The following ZKSCAN7 variants were observed in gnomAD, a reference collection of about 807,000 sequenced individuals.
The protein encoded by ZKSCAN7 is zinc finger protein with KRAB and SCAN domains 7.
Under a neutral mutation model 65.3 loss-of-function variants are expected in ZKSCAN7, and 38 were observed. That is an observed-to-expected ratio of 0.58 (90% CI 0.45 to 0.76). The LOEUF is 0.76. Among genes scored for constraint, ZKSCAN7 ranks in the 30% least tolerant of loss-of-function variants. The pLI, the probability that ZKSCAN7 is intolerant of heterozygous loss-of-function variation, is 0.00. For synonymous variants in ZKSCAN7, 321 were observed against 321.0 expected (o/e 1.00, Z 0.00); for missense variants, 815 against 913.3 (o/e 0.89, Z 1.39).
At chr3:44,557,641 T>C in intron 2 of ZKSCAN7, 171 bp downstream of exon 2, 1 of 836,618 alleles carries the variant, frequency 1.2e-6, no homozygotes, top group Middle Eastern at 3.2e-4. Context: ...TAAACACAAG[T>C]GCACATCCCA....
downstream of ZKSCAN7, among the ~76,000 whole-genome samples, chr3:44,574,817 C>A (rs941478492): frequency 1.3e-5 from 2 of 152,074 alleles, no homozygotes; most frequent in African/African-American, 4.8e-5. Flanking sequence ...GTAATCCCAG[C>A]TACTTGGAAG....
chr3:44,571,339 A>G lies in ZKSCAN7; in HGVS notation c.2229A>G (p.Gly743=). ...TFNHHQRTHT[G]EKSSGLAWSV... The stretch of plus-strand genomic sequence containing the variant: ...ATCACCACCAGCGAACTCACACTGG[A>G]GAGAAGTCCTCAGGTCTGGCTTGGT... Residue 743 remains glycine (G), a synonymous_variant, in exon 6 of 6, where the codon GGA becomes GGG. Transcript: ENST00000426540. 5 of 1,614,216 alleles carry G rather than the reference A, an allele frequency of 3.1e-6. No individual in the cohort carries two copies. Among genetic ancestry groups the G allele is most frequent in the Non-Finnish European group, 4.2e-6 (5 of 1,180,046 alleles).
downstream of ZKSCAN7, among the ~76,000 whole-genome samples, chr3:44,572,849 C>CAAAAA (rs11339297): frequency 7.9e-3 from 573 of 72,376 alleles, 22 homozygotes; most frequent in African/African-American, 0.029. Flanking sequence ...GACTCTGTCT[C>CAAAAA]AAAAAAAAAA....
At position 44,580,152 on chromosome 3, in the gene ZKSCAN7, G is replaced by A. The variant is rs939984992; in HGVS notation, c.812-2820G>A. 63 of 1,610,588 alleles carry A rather than the reference G, an allele frequency of 3.9e-5. No individual in the cohort carries two copies. The Admixed American group carries it at 4.2e-4, about 11-fold the overall frequency. ...CACCTGGGACCTCCTGTGGTTGGGG[G>A]TGCTGGGGCTGGGAGGGGAGAGCGG... On this transcript the variant is annotated intron_variant, in intron 5 of 5. Transcript: ENST00000341840.
At position 44,570,280 on chromosome 3, in the gene ZKSCAN7, A is replaced by G. The variant is rs544962744; in HGVS notation, c.1170A>G (p.Lys390=). ...QKSYRCDECG[K]AFNRSSHLIG... ...CCTATCGATGTGATGAATGTGGCAA[A>G]GCTTTCAATCGGAGTTCTCACCTTA... Residue 390 remains lysine, a synonymous_variant, in exon 6 of 6, where the codon AAA becomes AAG. Transcript: ENST00000426540. The G allele has an allele frequency of 9.9e-5, 160 of 1,614,242 alleles. 2 individuals are homozygous for G. In the South Asian group the frequency reaches 1.7e-3, roughly 17 times the overall value.
chr3:44,583,208 G>A (rs140751247), exon 6 of ZKSCAN7: 3 of 246,026 alleles, frequency 1.2e-5, no homozygotes, highest in Non-Finnish European at 2.4e-5. Flanking sequence ...GATTACAGGC[G>A]TGAGCCACCA....
chr3:44,559,686 C>A (rs539397941), intron 2 of ZKSCAN7, among the ~76,000 whole-genome samples: 3 of 152,316 alleles, frequency 2.0e-5, no homozygotes, highest in East Asian at 3.9e-4. Context: ...CTCATCCTCC[C>A]AAAGTGCTGG....
In ZKSCAN7 at chr3:44,555,246, C is replaced by G. The variant is rs899973298; in HGVS notation, c.-354C>G. ...TAACGGGCAGTAGAGTGTCCGGCTT[C>G]GGTGCCGAGTGCCACCGCGAGTGGG... is the stretch of plus-strand genomic sequence containing the variant. On this transcript the variant is annotated 5_prime_UTR_variant, in exon 1 of 6. Transcript: ENST00000426540. 4.6e-5 allele frequency: 7 copies of G among 152,258 alleles called. No individual in the cohort carries two copies. Among genetic ancestry groups the G allele is most frequent in the Non-Finnish European group, 8.8e-5 (6 of 68,056 alleles). The allele number at this position is 152,258 out of a possible 1,614,324, so 9.4% of individuals were successfully genotyped here.
At chr3:44,562,924 C>T (rs1353005249) in intron 2 of ZKSCAN7, among the ~76,000 whole-genome samples, 4 of 151,758 alleles carry the variant, frequency 2.6e-5, no homozygotes, top group Non-Finnish European at 5.9e-5. Context: ...GAGCCAAGAT[C>T]GCGCCACTGC....
Position 44,570,753 on chromosome 3 carries a change from A to G in ZKSCAN7, c.1643A>G (p.Glu548Gly). 6.2e-7 allele frequency: 1 copy of G among 1,614,198 alleles called. No homozygotes were observed. Among genetic ancestry groups the G allele is most frequent in the Non-Finnish European group, 8.5e-7 (1 of 1,180,034 alleles). Residue 548 changes from glutamate (E) to glycine (G), a missense_variant, in exon 6 of 6, where the codon GAG (glutamate) becomes GGG (glycine). Glu to Gly is a moderately conservative substitution (Grantham distance 98, BLOSUM62 -2). Around this residue, in one of 3 missense-constraint regions of ZKSCAN7, gnomAD observed 578 missense variants for 629.5 expected, o/e 0.92. Coordinates refer to ENST00000426540, the MANE Select transcript of ZKSCAN7 (RefSeq NM_001288590.2). Reference sequence around the variant, plus strand: ...GACCATCAGAGAATCCACACTGGGGAGAAGCCTTATGAGTGTAGTGAATGT... The same window carrying G: ...GACCATCAGAGAATCCACACTGGGGGGAAGCCTTATGAGTGTAGTGAATGT... ...LIDHQRIHTG[E>G]KPYECSECGK...
At chr3:44,572,694 C>CA (rs1241812791), downstream of ZKSCAN7, among the ~76,000 whole-genome samples, 4 of 150,968 alleles carry the variant, frequency 2.6e-5, no homozygotes, top group African/African-American at 9.8e-5. Context: ...CTAAAAAATA[C>CA]AAAAAATTAG....
chr3:44,556,841 TG>T (rs1205465530), intron 1 of ZKSCAN7, 88 bp from the exon 2 acceptor site: 3 of 679,520 alleles, frequency 4.4e-6, no homozygotes, highest in East Asian at 5.3e-5. Flanking sequence ...TCTTTTTTCC[TG>T]GAGCTTTGTT....
intron 5 of ZKSCAN7, among the ~76,000 whole-genome samples, chr3:44,578,564 G>A (rs568848338): frequency 8.5e-5 from 13 of 152,320 alleles, no homozygotes; most frequent in Admixed American, 1.3e-4. Context: ...GTACTGCTCC[G>A]AGAGGACCTC....
downstream of ZKSCAN7, among the ~76,000 whole-genome samples, chr3:44,572,944 A>G (rs767516697): frequency 6.6e-6 from 1 of 151,934 alleles, no homozygotes; most frequent in Non-Finnish European, 1.5e-5. Flanking sequence ...AAATCCAGCT[A>G]GCAGCATTCC....
intron 5 of ZKSCAN7, chr3:44,578,102 A>G: frequency 6.4e-7 from 1 of 1,566,198 alleles, no homozygotes; most frequent in Non-Finnish European, 8.8e-7. Context: ...TGGCACTGTC[A>G]GGGGACTTTT....
chr3:44,565,881 CA>C, intron 3 of ZKSCAN7, among the ~76,000 whole-genome samples: 1 of 152,272 alleles, frequency 6.6e-6, no homozygotes, highest in African/African-American at 2.4e-5. Flanking sequence ...TGCCAGAGAC[CA>C]GAGAGATGTA....
chr3:44,578,715 C>A (rs1699983544), intron 5 of ZKSCAN7, among the ~76,000 whole-genome samples: 1 of 152,166 alleles, frequency 6.6e-6, no homozygotes, highest in Non-Finnish European at 1.5e-5. Context: ...TTCTTCATGG[C>A]TTCGATGGCT....
chr3:44,557,184 A>G lies in ZKSCAN7; in HGVS notation c.137A>G (p.Tyr46Cys), dbSNP rs774324924. ...CAGGGCAGCAGTCTCCAGAAGAACT[A>G]TCCTCCTGTCTGCGAAATCTTCCGG... ...WGQGSSLQKNYPPVCEIFRLH... is the reference protein window; with the variant it reads ...WGQGSSLQKNCPPVCEIFRLH... The change falls in exon 2 of 6, where the codon TAT (tyrosine) becomes TGT (cysteine). Residue 46 changes from tyrosine to cysteine, a missense_variant. Tyr to Cys is a radical substitution (Grantham distance 194, BLOSUM62 -2). Around this residue, in one of 3 missense-constraint regions of ZKSCAN7, gnomAD observed 227 missense variants for 253.3 expected, o/e 0.90. Coordinates refer to ENST00000426540, the MANE Select transcript of ZKSCAN7 (RefSeq NM_001288590.2). The G allele has an allele frequency of 7.4e-6, 12 of 1,614,140 alleles. No homozygotes were observed. Among genetic ancestry groups the G allele is most frequent in the East Asian group, 2.2e-5 (1 of 44,902 alleles).
intron 5 of ZKSCAN7, among the ~76,000 whole-genome samples, chr3:44,581,469 C>T (rs1013210401): frequency 1.3e-5 from 2 of 152,182 alleles, no homozygotes; most frequent in East Asian, 1.9e-4. Context: ...ATAAATCACA[C>T]GGGTTAGAGA....
Sources: allele counts gnomAD v4.1 joint callset (sites outside exome capture counted in the v4.1 genomes callset), GRCh38; gene constraint gnomAD v4.1.1; regional missense constraint gnomAD v4.1.1; transcripts MANE v1.5; gene names NCBI Gene and HGNC (gene_info 2026-07-23, HGNC 2026-07-21).